Variants in SLC22A25 observed in about 807,000 individuals in gnomAD.
SLC22A25 encodes MGI:2442751, MGI:2385316, MGI:3042283, MGI:3645714, MGI:3605624, MGI:2442750.
A neutral mutation model predicts 45.9 loss-of-function variants in SLC22A25; 44 were observed. That is an observed-to-expected ratio of 0.96 (90% CI 0.75 to 1.23). SLC22A25 has a LOEUF of 1.23. SLC22A25 is among the 50% of genes most tolerant of loss of function. The pLI is 0.00. For synonymous variants in SLC22A25, 283 were observed against 238.6 expected, an observed-to-expected ratio of 1.19 and a Z score of -1.72; for missense variants, 800 against 666.4, an observed-to-expected ratio of 1.20 and a Z score of -2.21.
Position 63,229,255 on chromosome 11 carries a change from G to T in SLC22A25, c.398C>A (p.Thr133Asn). The part of the protein sequence containing the change: ...DQSSFPSTIV[T>N]KWDLVCESQP... The stretch of plus-strand genomic sequence containing the variant: ...GAGGAAAATGAGGCCTCTTACCTTA[G>T]TCACAATGGTGGAAGGGAAGGAGCT... The change falls in exon 4 of 12, where the codon ACT (threonine) becomes AAT (asparagine). Residue 133 changes from threonine (T) to asparagine (N), a missense_variant. Thr to Asn is a moderately conservative substitution (Grantham distance 65, BLOSUM62 0). Coordinates refer to ENST00000306494, the MANE Select transcript of SLC22A25 (RefSeq NM_199352.6). 1 of 1,527,416 alleles carries T rather than the reference G, an allele frequency of 6.5e-7. No individual in the cohort carries two copies. 94.6% of individuals were successfully genotyped at this position (1,527,416 alleles called of 1,614,324 possible).
chr11:63,211,130 G>A (rs1050871250), intron 7 of SLC22A25, among the ~76,000 whole-genome samples: 1 of 152,088 alleles, frequency 6.6e-6, no homozygotes, highest in African/African-American at 2.4e-5. Context: ...AACCCCCCTG[G>A]ACTTGCTGCA....
At chr11:63,207,699 TG>T (rs1482644695) in intron 7 of SLC22A25, among the ~76,000 whole-genome samples, 2 of 152,218 alleles carry the variant, frequency 1.3e-5, no homozygotes, top group African/African-American at 2.4e-5. Flanking sequence ...CCTATTTTTC[TG>T]TGGCTAGTGA....
In SLC22A25 at chr11:63,161,221, C is replaced by G. The variant is rs2087530551; in HGVS notation, c.*2603G>C. On this transcript the variant is annotated 3_prime_UTR_variant, in exon 12 of 12. Transcript: ENST00000306494. The stretch of plus-strand genomic sequence containing the variant: ...ATGTATTTATCCAATGCCTGTACCC[C>G]CATTGTATCTAGGAAGTAACCAATT... Among the ~76,000 whole-genome samples the G allele has an allele frequency of 6.6e-6, 1 of 152,124 alleles. No individual in the cohort carries two copies. The highest frequency in any genetic ancestry group is 6.6e-5 in the Admixed American group (1 of 15,266).
In SLC22A25 at chr11:63,160,011, G is replaced by A. The variant is rs1170494426; in HGVS notation, c.*3813C>T. ...TTTTAAGCAGCAAAGCATTCAAGATGTGACGGGTGCTGTTAAAAGCAGTCA... is the reference window on the plus strand; with the variant it reads ...TTTTAAGCAGCAAAGCATTCAAGATATGACGGGTGCTGTTAAAAGCAGTCA... On this transcript the variant is annotated 3_prime_UTR_variant, in exon 12 of 12. Transcript: ENST00000306494. Among the ~76,000 whole-genome samples, 2 of 152,166 alleles carry A rather than the reference G, an allele frequency of 1.3e-5. No homozygotes were observed. Among genetic ancestry groups the A allele is most frequent in the Non-Finnish European group, 2.9e-5 (2 of 68,022 alleles).
At position 63,159,227 on chromosome 11, in the gene SLC22A25, A is replaced by T. The variant is rs2087516896; in HGVS notation, c.*4597T>A. On this transcript the variant is annotated 3_prime_UTR_variant, in exon 12 of 12. Coordinates refer to ENST00000306494, the MANE Select transcript of SLC22A25 (RefSeq NM_199352.6). The stretch of plus-strand genomic sequence containing the variant: ...AGTTCTGCAACAAATGTGGGAGTGC[A>T]GATACGTCTTTGATATACTTATTTC... Among the ~76,000 whole-genome samples the T allele has an allele frequency of 6.6e-6, 1 of 152,200 alleles. No individual in the cohort carries two copies. The highest frequency in any genetic ancestry group is 6.5e-5 in the Admixed American group (1 of 15,282).
chr11:63,186,805 C>A (rs1436745526), intron 7 of SLC22A25, among the ~76,000 whole-genome samples: 7 of 151,834 alleles, frequency 4.6e-5, no homozygotes, highest in African/African-American at 1.7e-4. Flanking sequence ...ATAGGGAATC[C>A]TTTCCCTATT....
At chr11:63,225,423 T>C (rs1273919103) in intron 5 of SLC22A25, among the ~76,000 whole-genome samples, 1 of 152,212 alleles carries the variant, frequency 6.6e-6, no homozygotes, top group Non-Finnish European at 1.5e-5. Context: ...AAAAGTTTTT[T>C]TTCTTCTTCA....
rs144551527 is a variant in SLC22A25 at position 63,221,728 on chromosome 11, C to T, written c.507-3993G>A. On this transcript the variant is annotated intron_variant, in intron 5 of 11. Transcript: ENST00000306494. ...CCAGTCCAATGTCCTGGAGAGTTTA[C>T]CCAATGTTTTCTTGCATTAGTTTCA... is the stretch of plus-strand genomic sequence containing the variant. Among the ~76,000 whole-genome samples, 859 of 152,148 alleles carry T rather than the reference C, an allele frequency of 5.6e-3. 8 individuals are homozygous for T. Among genetic ancestry groups the T allele is most frequent in the African/African-American group, 0.019 (780 of 41,520 alleles).
intron 7 of SLC22A25, among the ~76,000 whole-genome samples, chr11:63,206,172 C>G (rs939651293): frequency 1.3e-5 from 2 of 152,128 alleles, no homozygotes; most frequent in Non-Finnish European, 2.9e-5. Context: ...AACCTATAGC[C>G]AATATCATAC....
Position 63,185,828 on chromosome 11 carries a change from A to C in SLC22A25, c.831-2011T>G, listed in dbSNP as rs1416512103. 2.7e-5 allele frequency among the ~76,000 whole-genome samples: 4 copies of C among 148,532 alleles called. No homozygotes were observed. In the East Asian group the frequency reaches 6.1e-4, roughly 23 times the overall value. ...TTGTTCTTGCGATAGTTTACTGAGAATGATGATTTCCAATTTCATCCATGT... is the reference window on the plus strand; with the variant it reads ...TTGTTCTTGCGATAGTTTACTGAGACTGATGATTTCCAATTTCATCCATGT... On this transcript the variant is annotated intron_variant, in intron 7 of 11. Coordinates refer to ENST00000306494, the MANE Select transcript of SLC22A25 (RefSeq NM_199352.6).
chr11:63,195,119 C>A (rs948984599), intron 7 of SLC22A25, among the ~76,000 whole-genome samples: 3 of 151,838 alleles, frequency 2.0e-5, no homozygotes, highest in Non-Finnish European at 4.4e-5. Context: ...CCTTAGAGAC[C>A]TACAAAGACA....
In SLC22A25 at chr11:63,243,539, A is replaced by G; in HGVS notation, c.-1101T>C. ...CAGGCTCAAAGAGTCCAGCCCACTG[A>G]CTGCCAAAAAGCTGTGCATTTATAC... is the stretch of plus-strand genomic sequence containing the variant. On this transcript the variant is annotated 5_prime_UTR_variant, in exon 1 of 12. Transcript: ENST00000306494. The G allele has an allele frequency of 1.3e-6, 1 of 763,414 alleles. No individual in the cohort carries two copies. Among genetic ancestry groups the G allele is most frequent in the South Asian group, 1.4e-5 (1 of 73,644 alleles). The allele number at this position is 763,414 out of a possible 1,614,324, so 47.3% of individuals were successfully genotyped here.
intron 7 of SLC22A25, among the ~76,000 whole-genome samples, chr11:63,197,206 A>G (rs1349766876): frequency 2.0e-5 from 3 of 152,212 alleles, no homozygotes; most frequent in Non-Finnish European, 4.4e-5. Flanking sequence ...ATTCAATACC[A>G]TCCCCATCAA....
intron 5 of SLC22A25, among the ~76,000 whole-genome samples, chr11:63,219,675 G>A (rs1052347366): frequency 6.6e-6 from 1 of 152,048 alleles, no homozygotes; most frequent in Non-Finnish European, 1.5e-5. Context: ...TTTCCCCCCA[G>A]GTTTGTGATA....
At chr11:63,213,618 C>T (rs1347554092) in intron 7 of SLC22A25, among the ~76,000 whole-genome samples, 2 of 152,190 alleles carry the variant, frequency 1.3e-5, no homozygotes, top group East Asian at 3.9e-4. Context: ...GTATCAAGGA[C>T]TTCTGTGTGA....
At position 63,234,303 on chromosome 11, in the gene SLC22A25, T is replaced by C. The variant is rs530403047; in HGVS notation, c.-445+3578A>G. Among the ~76,000 whole-genome samples, 31 of 152,308 alleles carry C rather than the reference T, an allele frequency of 2.0e-4. No homozygotes were observed. The South Asian group carries it at 6.2e-3, about 31-fold the overall frequency. On this transcript the variant is annotated intron_variant, in intron 3 of 11. Coordinates refer to ENST00000306494, the MANE Select transcript of SLC22A25 (RefSeq NM_199352.6). ...CTTTGTATGTCTCTAAGGACTAGCT[T>C]TATGAATCTGGGTGCTCCTGTATTG...
At chr11:63,196,707 G>A (rs933014044) in intron 7 of SLC22A25, among the ~76,000 whole-genome samples, 5 of 152,198 alleles carry the variant, frequency 3.3e-5, no homozygotes, top group African/African-American at 1.2e-4. Context: ...AAACAGGGAT[G>A]CCTTCTCTCA....
intron 8 of SLC22A25, among the ~76,000 whole-genome samples, chr11:63,181,675 G>A (rs896939421): frequency 6.6e-5 from 10 of 152,014 alleles, no homozygotes; most frequent in African/African-American, 2.2e-4. Context: ...CAGGCATGCT[G>A]TAGTGCCCAG....
intron 5 of SLC22A25, among the ~76,000 whole-genome samples, chr11:63,221,390 A>G (rs979106975): frequency 1.3e-5 from 2 of 152,148 alleles, no homozygotes; most frequent in Non-Finnish European, 2.9e-5. Flanking sequence ...GATGTTGAGC[A>G]CATTTTCATA....
Sources: gnomAD v4.1 joint callset for allele counts (sites outside exome capture counted in the v4.1 genomes callset) on GRCh38, gnomAD v4.1.1 for gene constraint, MANE v1.5 for transcripts, NCBI Gene and HGNC (gene_info 2026-07-23, HGNC 2026-07-21) for gene names.